NCOR2: variants seen among roughly 807,000 people sequenced by gnomAD.
The protein encoded by NCOR2 is CTG repeat protein 26.
Under a neutral mutation model 262.9 loss-of-function variants are expected in NCOR2, and 81 were observed. The observed-to-expected ratio is 0.31, with a 90% confidence interval of 0.26 to 0.37. The LOEUF (loss-of-function observed/expected upper bound fraction) is 0.37, where lower values mean the gene tolerates loss of function less well. Ranked by LOEUF, NCOR2 falls within the 10% of genes least tolerant of loss-of-function variation. The pLI is 1.00. For missense variants in NCOR2, 3,385 were observed against 3,621.4 expected (o/e 0.93, Z 1.68); for synonymous variants, 1,659 against 1,559.3 (o/e 1.06, Z -1.51).
chr12:124,405,948 C>T (rs997543316), intron 13 of NCOR2, among the ~76,000 whole-genome samples: 1 of 152,166 alleles, frequency 6.6e-6, no homozygotes, highest in African/African-American at 2.4e-5. Context: ...GCTGCACACT[C>T]AGATCTCGTG....
intron 11 of NCOR2, among the ~76,000 whole-genome samples, chr12:124,424,381 A>G (rs542198606): frequency 1.3e-5 from 2 of 152,238 alleles, no homozygotes; most frequent in East Asian, 3.9e-4. Context: ...TGACGTAGAA[A>G]GATCGTGCCT....
At chr12:124,424,028 G>A (rs1192174721) in intron 11 of NCOR2, among the ~76,000 whole-genome samples, 4 of 152,122 alleles carry the variant, frequency 2.6e-5, no homozygotes, top group Non-Finnish European at 5.9e-5. Flanking sequence ...AAGTGGCCAA[G>A]TTGCGGCTCA....
chr12:124,346,697 G>A lies in NCOR2; in HGVS notation c.4226C>T (p.Pro1409Leu), dbSNP rs748088671. The change falls in exon 31 of 47, where the codon CCG becomes CTG. Residue 1409 changes from proline (P) to leucine (L), a missense_variant. This residue lies in a region of NCOR2 where 1,615 missense variants were observed against 1,626.9 expected (regional missense o/e 0.99). Transcript: ENST00000405201. ...CGTGGCCACCAGGCCCTCATGGGCC[G>A]GCTTCAGCTTCAGGGGGCCCAGGGC... 26 of 1,571,714 alleles carry A rather than the reference G, an allele frequency of 1.7e-5. No homozygotes were observed. Among genetic ancestry groups the A allele is most frequent in the Non-Finnish European group, 1.8e-5 (21 of 1,160,124 alleles).
exon 45 of NCOR2, chr12:124,327,515 C>A: frequency 6.2e-6 from 10 of 1,613,800 alleles, no homozygotes; most frequent in Non-Finnish European, 8.5e-6. Context: ...TGGCGCTGAG[C>A]GGCGGGGACT....
rs998207613 is a variant in NCOR2, at chr12:124,517,702, G to A, written c.-118+17863C>T. On this transcript the variant is annotated intron_variant, in intron 1 of 46. Transcript: ENST00000404621. This position sits in a 1 kb window ranked among gnomAD's most constrained non-coding sequence, Gnocchi z 7.6. ...CGCCATGCTCCCCCCCAGGGACGCC[G>A]GATGTGCACCAAGGAGAGGAGCACA... 5.3e-5 allele frequency among the ~76,000 whole-genome samples: 8 copies of A among 152,194 alleles called. No homozygotes were observed. The highest frequency in any genetic ancestry group is 8.8e-5 in the Non-Finnish European group (6 of 68,020).
chr12:124,410,606 A>C (rs1486160465), intron 13 of NCOR2, among the ~76,000 whole-genome samples: 1 of 152,120 alleles, frequency 6.6e-6, no homozygotes, highest in Non-Finnish European at 1.5e-5. Context: ...AGCCCCAAGC[A>C]GGCAGCAGGT....
At chr12:124,514,167 G>A in intron 1 of NCOR2, 1 of 152,222 alleles carries the variant, frequency 6.6e-6, no homozygotes, top group East Asian at 1.9e-4. Flanking sequence ...CTTCTGGGAG[G>A]TGATGAGCTG....
At chr12:124,486,607 C>T in intron 1 of NCOR2, 39 bp from the exon 4 acceptor site, 1 of 1,537,742 alleles carries the variant, frequency 6.5e-7, no homozygotes, top group Non-Finnish European at 8.7e-7. Flanking sequence ...CGTGGGCGGG[C>T]ACGGGCATGG....
At chr12:124,439,206 C>T in intron 7 of NCOR2, among the ~76,000 whole-genome samples, 1 of 53,982 alleles carries the variant, frequency 1.9e-5, no homozygotes, top group Non-Finnish European at 3.7e-5. Flanking sequence ...GACCCAGAGA[C>T]AGAGGGAGAC....
chr12:124,351,492 C>T (rs957125869), intron 27 of NCOR2, among the ~76,000 whole-genome samples: 5 of 152,098 alleles, frequency 3.3e-5, no homozygotes, highest in South Asian at 2.1e-4. Context: ...TTAGGACAAT[C>T]GAAAATGTCC....
At chr12:124,401,080 AT>A (rs2041962837) in intron 14 of NCOR2, among the ~76,000 whole-genome samples, 1 of 152,082 alleles carries the variant, frequency 6.6e-6, no homozygotes, top group Admixed American at 6.5e-5. Flanking sequence ...GCGTGGTGGC[AT>A]ATGCTGATGG....
intron 1 of NCOR2, among the ~76,000 whole-genome samples, chr12:124,525,489 T>A (rs560856978): frequency 1.3e-5 from 2 of 152,226 alleles, no homozygotes; most frequent in African/African-American, 4.8e-5. Context: ...AAGCGCCGCA[T>A]CTTGTTTGCT....
At chr12:124,470,978 C>T (rs891126482) in intron 4 of NCOR2, among the ~76,000 whole-genome samples, 3 of 152,226 alleles carry the variant, frequency 2.0e-5, no homozygotes, top group Admixed American at 6.5e-5. Context: ...GGAAGCCTAA[C>T]GGTGCGGTAC....
At chr12:124,509,327 G>A (rs1047900764) in intron 1 of NCOR2, among the ~76,000 whole-genome samples, 2 of 150,356 alleles carry the variant, frequency 1.3e-5, no homozygotes. Flanking sequence ...ACAAGAAGCT[G>A]TCCTTCCACT....
chr12:124,458,063 G>T (rs866807941), intron 5 of NCOR2, among the ~76,000 whole-genome samples: 2 of 152,242 alleles, frequency 1.3e-5, no homozygotes, highest in African/African-American at 4.8e-5. Context: ...GTGTTCACAG[G>T]CTGGCACGCG....
intron 16 of NCOR2, among the ~76,000 whole-genome samples, chr12:124,397,522 G>A (rs1277469927): frequency 2.0e-5 from 3 of 152,150 alleles, no homozygotes; most frequent in Admixed American, 6.5e-5. Flanking sequence ...ACCAATGCCT[G>A]CTGGCTCCCT....
At position 124,495,114 on chromosome 12, in the gene NCOR2, T is replaced by C. The variant is rs773596411; in HGVS notation, c.105+33A>G. ...TGGAATGGAAGAAGGGTCTCAAAGG[T>C]AGCCCCAGGCGCACACATGTGCACC... On this transcript the variant is annotated intron_variant, in intron 1 of 46. Coordinates refer to ENST00000405201, the Ensembl canonical transcript of NCOR2. The surrounding 1 kb of genome is among the most constrained non-coding windows in gnomAD (Gnocchi z 4.4). The C allele has an allele frequency of 3.1e-6, 5 of 1,608,794 alleles. No individual in the cohort carries two copies. Among genetic ancestry groups the C allele is most frequent in the Admixed American group, 1.7e-5 (1 of 59,138 alleles).
chr12:124,430,881 T>C, intron 8 of NCOR2, 94 bp from the exon 11 acceptor site: 1 of 1,462,420 alleles, frequency 6.8e-7, no homozygotes, highest in Non-Finnish European at 9.2e-7. Context: ...GACACACAGG[T>C]GCGTGCGCAC....
At chr12:124,424,108 G>A (rs762894227) in intron 11 of NCOR2, among the ~76,000 whole-genome samples, 75 of 152,086 alleles carry the variant, frequency 4.9e-4, no homozygotes, top group Non-Finnish European at 8.4e-4. Context: ...CCCACCCTTC[G>A]GTTACTGAAT....
Sources: gnomAD v4.1 joint callset for allele counts (sites outside exome capture counted in the v4.1 genomes callset) on GRCh38, gnomAD v4.1.1 for gene constraint, gnomAD v4.1.1 regional missense constraint, Gnocchi (gnomAD v3.1) non-coding constraint, MANE v1.5 for transcripts, NCBI Gene and HGNC (gene_info 2026-07-23, HGNC 2026-07-21) for gene names.